Variants in RCAN2 observed in about 807,000 individuals in gnomAD.
The protein encoded by RCAN2 is regulator of calcineurin 2, also known as calcipressin-2.
Under a neutral mutation model 23.6 loss-of-function variants are expected in RCAN2, and 9 were observed. The observed-to-expected ratio is 0.38, with a 90% CI of 0.23 to 0.67. The LOEUF is 0.67. Among genes scored for constraint, RCAN2 ranks in the 30% least tolerant of loss-of-function variants. The pLI is 0.51. For missense variants in RCAN2, 273 were observed against 302.3 expected (o/e 0.90, Z 0.72); for synonymous variants, 109 against 115.7 (o/e 0.94, Z 0.37).
At chr6:46,418,695 G>GTGTATATATATATATA (rs1299386089) in intron 2 of RCAN2, among the ~76,000 whole-genome samples, 1 of 121,306 alleles carries the variant, frequency 8.2e-6, no homozygotes, top group Non-Finnish European at 1.7e-5. Flanking sequence ...ATGTGTGTGT[G>GTGTATATATATATATA]TATATATATA....
chr6:46,259,363 G>A (rs1183445032), intron 2 of RCAN2, among the ~76,000 whole-genome samples: 3 of 152,066 alleles, frequency 2.0e-5, no homozygotes, highest in African/African-American at 7.3e-5. Context: ...ATGCAAATGA[G>A]GGGCTCTAAA....
chr6:46,350,694 G>A (rs1253753223), intron 2 of RCAN2, among the ~76,000 whole-genome samples: 2 of 152,176 alleles, frequency 1.3e-5, no homozygotes, highest in Admixed American at 6.5e-5. Flanking sequence ...ACTTGAAACG[G>A]CTCTTGTTTC....
At chr6:46,270,335 A>T (rs1263029249) in intron 2 of RCAN2, among the ~76,000 whole-genome samples, 2 of 152,074 alleles carry the variant, frequency 1.3e-5, no homozygotes, top group Non-Finnish European at 2.9e-5. Flanking sequence ...CACCATCTGG[A>T]TGATTCTTTT....
chr6:46,437,740 A>T (rs1767414478), intron 2 of RCAN2, among the ~76,000 whole-genome samples: 1 of 152,220 alleles, frequency 6.6e-6, no homozygotes, highest in East Asian at 1.9e-4. Context: ...GAGTGGTGAC[A>T]GAATCTTTAC....
chr6:46,343,375 A>ATTTT (rs3084618), intron 2 of RCAN2, among the ~76,000 whole-genome samples: 47,087 of 135,126 alleles, frequency 0.35, 9,857 homozygotes, highest in East Asian at 0.57. Flanking sequence ...TGGGAAAACA[A>ATTTT]TTTTTTTTTT....
chr6:46,420,704 C>T (rs374821773), intron 2 of RCAN2, among the ~76,000 whole-genome samples: 3 of 151,892 alleles, frequency 2.0e-5, no homozygotes, highest in Non-Finnish European at 4.4e-5. Flanking sequence ...CCATCAGGCC[C>T]GGCTACTTTT....
At chr6:46,466,326 A>C (rs1034430956) in intron 1 of RCAN2, among the ~76,000 whole-genome samples, 4 of 152,224 alleles carry the variant, frequency 2.6e-5, no homozygotes, top group African/African-American at 9.6e-5. Flanking sequence ...TGAAAAGGAA[A>C]GAAAGCAGGG....
chr6:46,288,525 T>G (rs541243572), intron 2 of RCAN2, among the ~76,000 whole-genome samples: 2 of 152,256 alleles, frequency 1.3e-5, no homozygotes, highest in South Asian at 4.1e-4. Context: ...AACCTATGGA[T>G]GATTTGAGGC....
At chr6:46,253,449 A>C (rs956648000) in intron 2 of RCAN2, among the ~76,000 whole-genome samples, 9 of 152,210 alleles carry the variant, frequency 5.9e-5, no homozygotes, top group African/African-American at 9.6e-5. Context: ...GAAAAGTACC[A>C]AGGGCAGCTT....
chr6:46,239,611 C>T (rs1040664609), intron 4 of RCAN2, among the ~76,000 whole-genome samples: 4 of 152,074 alleles, frequency 2.6e-5, no homozygotes, highest in African/African-American at 9.7e-5. Flanking sequence ...TCTTTCCTTT[C>T]CTCCCCCTCC....
At chr6:46,314,533 A>C (rs1355926922) in intron 2 of RCAN2, among the ~76,000 whole-genome samples, 2 of 152,000 alleles carry the variant, frequency 1.3e-5, no homozygotes, top group Admixed American at 6.6e-5. Context: ...AAAAAAAAAA[A>C]CTGAACTCAG....
At chr6:46,262,510 C>T (rs1354194821) in intron 2 of RCAN2, among the ~76,000 whole-genome samples, 1 of 151,956 alleles carries the variant, frequency 6.6e-6, no homozygotes, top group Non-Finnish European at 1.5e-5. Flanking sequence ...AATCCTAGCA[C>T]TTTGGGAGGC....
intron 2 of RCAN2, among the ~76,000 whole-genome samples, chr6:46,318,497 A>T (rs1019088019): frequency 6.6e-6 from 1 of 152,194 alleles, no homozygotes; most frequent in African/African-American, 2.4e-5. Context: ...TATAACAATA[A>T]AAAGAGAAGA....
At chr6:46,335,967 C>T (rs921481839) in intron 2 of RCAN2, among the ~76,000 whole-genome samples, 1 of 152,160 alleles carries the variant, frequency 6.6e-6, no homozygotes, top group Non-Finnish European at 1.5e-5. Flanking sequence ...ATGTAATTTG[C>T]CCAAGGACAA....
chr6:46,281,040 T>G (rs1767893878), intron 2 of RCAN2, among the ~76,000 whole-genome samples: 1 of 152,214 alleles, frequency 6.6e-6, no homozygotes, highest in East Asian at 1.9e-4. Flanking sequence ...AATGCTGTGC[T>G]AGGTGTTACT....
chr6:46,469,729 A>T (rs187742790), intron 1 of RCAN2, among the ~76,000 whole-genome samples: 1 of 152,282 alleles, frequency 6.6e-6, no homozygotes, highest in East Asian at 1.9e-4. Flanking sequence ...GTCCCCTCCT[A>T]AATGTAGGTG....
chr6:46,407,620 A>G (rs1582177366), intron 2 of RCAN2, among the ~76,000 whole-genome samples: 2 of 152,312 alleles, frequency 1.3e-5, no homozygotes, highest in East Asian at 1.9e-4. Context: ...AGGTGGTAAA[A>G]ATATAGGTAG....
At chr6:46,225,727 C>A (rs1270883340) in intron 4 of RCAN2, among the ~76,000 whole-genome samples, 1 of 152,130 alleles carries the variant, frequency 6.6e-6, no homozygotes, top group East Asian at 1.9e-4. Flanking sequence ...TTCTCCCAAT[C>A]TGTAGGTTGC....
At chr6:46,333,662 T>A (rs767559799) in intron 2 of RCAN2, among the ~76,000 whole-genome samples, 2 of 152,230 alleles carry the variant, frequency 1.3e-5, no homozygotes, top group Non-Finnish European at 2.9e-5. Flanking sequence ...CTCCACAGTA[T>A]GTGTTTCAGA....
Sources: gnomAD v4.1 joint callset for allele counts (sites outside exome capture counted in the v4.1 genomes callset) on GRCh38, gnomAD v4.1.1 for gene constraint, MANE v1.5 for transcripts, NCBI Gene and HGNC (gene_info 2026-07-23, HGNC 2026-07-21) for gene names.